RYK: variants seen among roughly 807,000 people sequenced by gnomAD.
RYK encodes inactive tyrosine-protein kinase RYK.
A neutral mutation model predicts 70.2 loss-of-function variants in RYK; 21 were observed. The ratio of observed to expected loss-of-function variants is 0.30; its 90% CI spans 0.21 to 0.43. The LOEUF (loss-of-function observed/expected upper bound fraction) is 0.43, where lower values mean the gene tolerates loss of function less well. Ranked by LOEUF, RYK falls within the 20% of genes least tolerant of loss-of-function variation. The pLI is 1.00. For missense variants in RYK, 604 were observed against 753.3 expected (o/e 0.80, Z 2.32); for synonymous variants, 267 against 278.0 (o/e 0.96, Z 0.39).
chr3:134,250,436 C>A lies in RYK; in HGVS notation c.219G>T (p.Val73=). 1 of 1,407,656 alleles carries A rather than the reference C, an allele frequency of 7.1e-7. No individual in the cohort carries two copies. The highest frequency in any genetic ancestry group is 9.3e-7 in the Non-Finnish European group (1 of 1,078,696). 87.2% of individuals were successfully genotyped at this position (1,407,656 alleles called of 1,614,324 possible). A position where few individuals can be genotyped will look rare whatever the true frequency, so the allele number is the denominator to read the frequency against. ...GGCCCCACTCACCGATCAGCCGGCG[C>A]ACCTCGTCCTCGCTCAGGTAGAGAC... is the stretch of plus-strand genomic sequence containing the variant. ...SVSLYLSEDE[V]RRLIGLDAEL... is the part of the protein sequence containing the mutation. Residue 73 remains valine (V), a synonymous_variant, in exon 1 of 15, where the codon GTG becomes GTT. Coordinates refer to ENST00000623711, the MANE Select transcript of RYK (RefSeq NM_002958.4).
chr3:134,238,974 A>G (rs1159020860), intron 1 of RYK, among the ~76,000 whole-genome samples: 1 of 152,176 alleles, frequency 6.6e-6, no homozygotes, highest in African/African-American at 2.4e-5. Context: ...GTGGGCCAAC[A>G]GTCTATTGAG....
In RYK at chr3:134,250,424, G is replaced by A. The variant is rs779609648; in HGVS notation, c.231C>T (p.Ile77=). ...CCCGGCCTCGGCGGCCCCACTCACCGATCAGCCGGCGCACCTCGTCCTCGC... is the reference window on the plus strand; with the variant it reads ...CCCGGCCTCGGCGGCCCCACTCACCAATCAGCCGGCGCACCTCGTCCTCGC... The part of the protein sequence containing the change: ...YLSEDEVRRL[I]GLDAELYYVR... Residue 77 remains isoleucine (I), a splice_region_variant and synonymous_variant, in exon 1 of 15, where the codon ATC becomes ATT. Coordinates refer to ENST00000623711, the MANE Select transcript of RYK (RefSeq NM_002958.4). The A allele has an allele frequency of 5.0e-6, 7 of 1,399,048 alleles. No homozygotes were observed. The South Asian group carries it at 6.0e-5, about 12-fold the overall frequency. 86.7% of individuals were successfully genotyped at this position (1,399,048 alleles called of 1,614,324 possible). A position where few individuals can be genotyped will look rare whatever the true frequency, so the allele number is the denominator to read the frequency against.
At chr3:134,192,392 A>AT (rs35011481) in intron 7 of RYK, among the ~76,000 whole-genome samples, 6 of 151,212 alleles carry the variant, frequency 4.0e-5, no homozygotes, top group African/African-American at 1.5e-4. Context: ...GTTTGAAAAG[A>AT]TTTTTTTCAA....
At chr3:134,237,632 A>G (rs1227493943) in intron 1 of RYK, among the ~76,000 whole-genome samples, 1 of 152,232 alleles carries the variant, frequency 6.6e-6, no homozygotes, top group Non-Finnish European at 1.5e-5. Flanking sequence ...TGGCTTCACC[A>G]GTAGGTAGCT....
At chr3:134,228,203 C>T (rs4682655) in intron 1 of RYK, among the ~76,000 whole-genome samples, 112,256 of 151,962 alleles carry the variant, frequency 0.74, 42,044 homozygotes, top group East Asian at 0.99. Context: ...AGATGGGAGG[C>T]TGGCTTGAGC....
At chr3:134,178,315 G>A (rs1451765091) in intron 10 of RYK, 1 of 357,386 alleles carries the variant, frequency 2.8e-6, no homozygotes, top group Non-Finnish European at 4.9e-6. Context: ...ACTCAAAGTT[G>A]CTTCCTGTGG....
chr3:134,190,555 T>TA (rs200327072), intron 8 of RYK, among the ~76,000 whole-genome samples: 216 of 146,766 alleles, frequency 1.5e-3, no homozygotes, highest in East Asian at 2.6e-3. Flanking sequence ...CAAACTAACG[T>TA]AAAAAAAAAA....
intron 1 of RYK, among the ~76,000 whole-genome samples, chr3:134,241,208 G>A (rs575155343): frequency 3.4e-5 from 5 of 149,182 alleles, no homozygotes; most frequent in East Asian, 2.0e-4. Flanking sequence ...AATTAGCCAC[G>A]CGTGGTGGTG....
intron 13 of RYK, among the ~76,000 whole-genome samples, chr3:134,172,396 T>A (rs980264842): frequency 1.1e-4 from 16 of 152,200 alleles, no homozygotes; most frequent in Admixed American, 7.2e-4. Flanking sequence ...ATTCCTCCTG[T>A]CCCCTTTCCC....
intron 2 of RYK, 89 bp from the exon 3 acceptor site, chr3:134,211,696 A>G: frequency 1.2e-6 from 1 of 802,042 alleles, no homozygotes; most frequent in Non-Finnish European, 2.1e-6. Context: ...TCATTAATCA[A>G]TGGATGAGCC....
At position 134,243,256 on chromosome 3, in the gene RYK, G is replaced by A. The variant is rs111316274; in HGVS notation, c.232+7167C>T. On this transcript the variant is annotated intron_variant, in intron 1 of 14. Transcript: ENST00000623711. ...CTCTGTGACTCCTCCCCTTTCTTTA[G>A]CCCTAAAGTCTCTTCTACTAAGTCT... is the stretch of plus-strand genomic sequence containing the variant. Among the ~76,000 whole-genome samples, 546 of 152,100 alleles carry A rather than the reference G, an allele frequency of 3.6e-3. 6 individuals are homozygous for A. Among genetic ancestry groups the A allele is most frequent in the African/African-American group, 0.012 (491 of 41,460 alleles).
chr3:134,229,193 C>A (rs111590252), intron 1 of RYK, among the ~76,000 whole-genome samples: 1 of 152,098 alleles, frequency 6.6e-6, no homozygotes, highest in African/African-American at 2.4e-5. Flanking sequence ...TCTGCCAGAG[C>A]GGAGCGCTCC....
At chr3:134,193,009 T>C (rs564000731) in intron 7 of RYK, among the ~76,000 whole-genome samples, 26 of 152,222 alleles carry the variant, frequency 1.7e-4, no homozygotes, top group Admixed American at 5.9e-4. Context: ...CTTCCTCTTT[T>C]TCTATCTGTA....
intron 6 of RYK, among the ~76,000 whole-genome samples, chr3:134,195,938 T>G (rs1422122397): frequency 6.9e-6 from 1 of 144,920 alleles, no homozygotes; most frequent in Non-Finnish European, 1.6e-5. Context: ...AAAGTGACAG[T>G]CCATCTCAAA....
At chr3:134,202,669 C>A in intron 6 of RYK, 61 bp downstream of exon 6, 1 of 1,479,604 alleles carries the variant, frequency 6.8e-7, no homozygotes, top group South Asian at 1.2e-5. Context: ...TGTGTATGGG[C>A]TCCCACATAT....
At chr3:134,232,803 T>C (rs1397854570) in intron 1 of RYK, among the ~76,000 whole-genome samples, 1 of 152,232 alleles carries the variant, frequency 6.6e-6, no homozygotes, top group African/African-American at 2.4e-5. Context: ...GTAAGTAAGA[T>C]CATTCCAGTA....
rs1253964788 is a variant in RYK, at chr3:134,157,159, T to G, written c.*994A>C. 1 of 152,664 alleles carries G rather than the reference T, an allele frequency of 6.6e-6. No individual in the cohort carries two copies. Among genetic ancestry groups the G allele is most frequent in the Non-Finnish European group, 1.5e-5 (1 of 68,044 alleles). 9.5% of individuals were successfully genotyped at this position (152,664 alleles called of 1,614,324 possible). On this transcript the variant is annotated 3_prime_UTR_variant, in exon 15 of 15. Transcript: ENST00000623711. The stretch of plus-strand genomic sequence containing the variant: ...AATATAAAACAAATCCTTTAATTTT[T>G]CAAGTGTTTAAAAAACAATTTTATA...
In RYK at chr3:134,245,374, T is replaced by A. The variant is rs189176933; in HGVS notation, c.232+5049A>T. 5.2e-3 allele frequency among the ~76,000 whole-genome samples: 765 copies of A among 146,518 alleles called. 2 individuals are homozygous for A. The highest frequency in any genetic ancestry group is 0.018 in the African/African-American group (715 of 40,168). ...CCAAAATTCCTCTAAAATGATAGTT[T>A]AAAAAAAAAAAATCACAAAGACATC... On this transcript the variant is annotated intron_variant, in intron 1 of 14. Transcript: ENST00000623711.
chr3:134,242,776 G>C (rs987812914), intron 1 of RYK, among the ~76,000 whole-genome samples: 11 of 152,164 alleles, frequency 7.2e-5, no homozygotes, highest in African/African-American at 2.7e-4. Context: ...CTTTGGAATT[G>C]ACCAGTCAAC....
Sources: allele counts gnomAD v4.1 joint callset (sites outside exome capture counted in the v4.1 genomes callset), GRCh38; gene constraint gnomAD v4.1.1; transcripts MANE v1.5; gene names NCBI Gene and HGNC (gene_info 2026-07-23, HGNC 2026-07-21).